The following ADAR variants were observed in gnomAD, a reference collection of about 807,000 sequenced individuals.
ADAR encodes adenosine deaminase RNA specific.
Under a neutral mutation model 113.2 loss-of-function variants are expected in ADAR, and 41 were observed. That is an observed-to-expected ratio of 0.36 (90% CI 0.28 to 0.47). ADAR has a LOEUF of 0.47. ADAR is among the 20% of genes least tolerant of loss of function. ADAR has a pLI of 1.00. For synonymous variants in ADAR, 605 were observed against 572.6 expected, an observed-to-expected ratio of 1.06 and a Z score of -0.81; for missense variants, 1,242 against 1,540.9, an observed-to-expected ratio of 0.81 and a Z score of 3.25.
In ADAR at chr1:154,598,446, A is replaced by G. The variant is rs142884797; in HGVS notation, c.1741T>C (p.Ser581Pro). The change falls in exon 3 of 15, where the codon TCA becomes CCA. Residue 581 changes from serine (S) to proline (P), a missense_variant. Around this residue, in one of 2 missense-constraint regions of ADAR, gnomAD observed 780 missense variants for 1,057.9 expected, o/e 0.74. Coordinates refer to ENST00000368474, the MANE Select transcript of ADAR (RefSeq NM_001111.5). ...GTGGAATAGTGGGATGATTCTTCTGATTTTCCACTGTCCTTGGCTTTGGCT... is the reference window on the plus strand; with the variant it reads ...GTGGAATAGTGGGATGATTCTTCTGGTTTTCCACTGTCCTTGGCTTTGGCT... ...EEAKAKDSGK[S>P]EESSHYSTEK... 86 of 1,613,848 alleles carry G rather than the reference A, an allele frequency of 5.3e-5. No individual in the cohort carries two copies. Among genetic ancestry groups the G allele is most frequent in the Non-Finnish European group, 6.8e-5 (80 of 1,179,992 alleles).
chr1:154,587,975 A>G, intron 11 of ADAR, 150 bp downstream of exon 11: 2 of 1,240,880 alleles, frequency 1.6e-6, no homozygotes, highest in Non-Finnish European at 2.3e-6. Flanking sequence ...CTTACCACAC[A>G]GCTCCCTGAC....
upstream of ADAR, among the ~76,000 whole-genome samples, chr1:154,613,168 A>G (rs115880387): frequency 5.6e-3 from 845 of 152,028 alleles, 3 homozygotes; most frequent in Non-Finnish European, 9.0e-3. Flanking sequence ...ACTTGCTTTG[A>G]TAACCTGTAA....
rs773593096 is a variant in ADAR at position 154,596,763 on chromosome 1, C to T, written c.2270+42G>A. 11 of 1,609,360 alleles carry T rather than the reference C, an allele frequency of 6.8e-6. No individual in the cohort carries two copies. In the Admixed American group the frequency reaches 1.8e-4, roughly 27 times the overall value. On this transcript the variant is annotated intron_variant, in intron 6 of 14. Transcript: ENST00000368474. ...GTTTTCCCTGGGTTACAGACCATCC[C>T]CAACTGGTGACACATGCATTAGCCA...
intron 1 of ADAR, among the ~76,000 whole-genome samples, chr1:154,622,184 G>A (rs902678411): frequency 3.3e-5 from 5 of 152,096 alleles, no homozygotes; most frequent in Non-Finnish European, 7.4e-5. Context: ...CACATATCCT[G>A]CGGCAGAGCG....
intron 4 of ADAR, 75 bp from the exon 5 acceptor site, chr1:154,597,342 G>T (rs1459712191): frequency 1.3e-6 from 2 of 1,546,938 alleles, no homozygotes; most frequent in African/African-American, 2.7e-5. Flanking sequence ...CTGCCAGGCT[G>T]CCATCCTCCA....
At chr1:154,606,054 G>T (rs891589922) in intron 1 of ADAR, 22 of 612,362 alleles carry the variant, frequency 3.6e-5, no homozygotes, top group Non-Finnish European at 4.3e-5. Flanking sequence ...TGCCAAGCTG[G>T]AGTGCAGTGG....
upstream of ADAR, chr1:154,608,834 G>GGT (rs1553215847): frequency 7.1e-6 from 1 of 141,304 alleles, no homozygotes; most frequent in African/African-American, 2.6e-5. Flanking sequence ...GTGGAGGGGG[G>GGT]GGGGAGGGGA....
chr1:154,590,633 T>TA (rs1453865749), intron 6 of ADAR, among the ~76,000 whole-genome samples: 2 of 152,082 alleles, frequency 1.3e-5, no homozygotes, highest in African/African-American at 4.8e-5. Flanking sequence ...TATTTTTCTC[T>TA]AAATTGACTT....
rs765325344 is a variant in ADAR at position 154,627,892 on chromosome 1, G to T, written c.-908C>A. 17 of 518,282 alleles carry T rather than the reference G, an allele frequency of 3.3e-5. No homozygotes were observed. The highest frequency in any genetic ancestry group is 6.2e-5 in the Non-Finnish European group (16 of 259,850). 32.1% of individuals were successfully genotyped at this position (518,282 alleles called of 1,614,324 possible). A position where few individuals can be genotyped will look rare whatever the true frequency, so the allele number is the denominator to read the frequency against. On this transcript the variant is annotated 5_prime_UTR_variant, in exon 1 of 15. Transcript: ENST00000368471. ...TTCCTCGGGACACGGCCGGACACCCGGAGACTGCCAGTGCGGCCGCGACCC... is the reference window on the plus strand; with the variant it reads ...TTCCTCGGGACACGGCCGGACACCCTGAGACTGCCAGTGCGGCCGCGACCC...
intron 2 of ADAR, among the ~76,000 whole-genome samples, chr1:154,599,940 C>A (rs116537321): frequency 6.6e-6 from 1 of 152,208 alleles, no homozygotes; most frequent in Non-Finnish European, 1.5e-5. Context: ...CCTTTCCCCC[C>A]AGGAGCTATG....
In ADAR at chr1:154,597,874, A is replaced by G. The variant is rs1200243279; in HGVS notation, c.1888T>C (p.Cys630Arg). ...TCTTTGGACAGGAGACGGAATTCGC[A>G]GGAGTTCCCCAATTTGTGCATACAC... ...LECMHKLGNS[C>R]EFRLLSKEGP... is the part of the protein sequence containing the mutation. Residue 630 changes from cysteine (C) to arginine (R), a missense_variant, in exon 4 of 15, where the codon TGC becomes CGC. Physicochemically the swap from Cys to Arg is radical, Grantham distance 180. Coordinates refer to ENST00000368474, the MANE Select transcript of ADAR (RefSeq NM_001111.5). 4 of 1,614,064 alleles carry G rather than the reference A, an allele frequency of 2.5e-6. No individual in the cohort carries two copies. The highest frequency in any genetic ancestry group is 1.1e-5 in the South Asian group (1 of 91,084).
exon 1 of ADAR, chr1:154,627,939 CGTA>C: frequency 1.9e-6 from 1 of 513,440 alleles, no homozygotes; most frequent in Non-Finnish European, 3.9e-6. Flanking sequence ...TCCCCCACCA[CGTA>C]GCCTTCTCTA....
intron 3 of ADAR, 139 bp downstream of exon 3, chr1:154,598,263 G>T: frequency 1.0e-6 from 1 of 962,882 alleles, no homozygotes; most frequent in Non-Finnish European, 1.6e-6. Flanking sequence ...GTGGGCTGGC[G>T]AGATAGGGTA....
At chr1:154,592,609 A>C (rs576404001) in intron 6 of ADAR, among the ~76,000 whole-genome samples, 1 of 152,212 alleles carries the variant, frequency 6.6e-6, no homozygotes, top group East Asian at 1.9e-4. Flanking sequence ...TTGACGAAGG[A>C]GGTAAAGGAG....
chr1:154,588,113 T>G lies in ADAR; in HGVS notation c.3019+12A>C. 1 of 1,613,322 alleles carries G rather than the reference T, an allele frequency of 6.2e-7. No individual in the cohort carries two copies. Among genetic ancestry groups the G allele is most frequent in the Non-Finnish European group, 8.5e-7 (1 of 1,179,880 alleles). ...CTTTTGAGGAAAGGAGGCGGGGGCA[T>G]GTATCACTCACCGTTCTCCACCTTG... On this transcript the variant is annotated intron_variant, in intron 11 of 14. Coordinates refer to ENST00000368474, the MANE Select transcript of ADAR (RefSeq NM_001111.5).
At position 154,597,974 on chromosome 1, in the gene ADAR, A is replaced by G. The variant is rs1557881113; in HGVS notation, c.1788T>C (p.Thr596=). ...HYSTEKESEK[T]AESQTPTPSA... ...AAGGGGTGGGGGTCTGGGACTCTGC[A>G]GTCTAGAGAAAATGAGAGACAAGAA... Residue 596 remains threonine (T), a splice_region_variant and synonymous_variant, in exon 4 of 15, where the codon ACT becomes ACC. Transcript: ENST00000368474. 6.2e-7 allele frequency: 1 copy of G among 1,613,758 alleles called. No homozygotes were observed. The highest frequency in any genetic ancestry group is 1.1e-5 in the South Asian group (1 of 91,016).
chr1:154,589,317 A>ACTGGAG, intron 9 of ADAR, 52 bp downstream of exon 9: 1 of 1,426,988 alleles, frequency 7.0e-7, no homozygotes, highest in South Asian at 1.1e-5. Context: ...GGGGCAGGGA[A>ACTGGAG]CTGGAGCTCT....
intron 1 of ADAR, among the ~76,000 whole-genome samples, 193 bp from the exon 2 acceptor site, chr1:154,602,819 A>G (rs1443538890): frequency 2.6e-5 from 4 of 152,218 alleles, no homozygotes; most frequent in Non-Finnish European, 5.9e-5. Context: ...ACAGGAACAC[A>G]GAGAGGGGAG....
At chr1:154,627,895 G>T (rs1267346999) in exon 1 of ADAR, 1 of 518,444 alleles carries the variant, frequency 1.9e-6, no homozygotes, top group Admixed American at 1.9e-5. Context: ...GACACCCGGA[G>T]ACTGCCAGTG....
Sources: gnomAD v4.1 joint callset for allele counts (sites outside exome capture counted in the v4.1 genomes callset) on GRCh38, gnomAD v4.1.1 for gene constraint, gnomAD v4.1.1 regional missense constraint, MANE v1.5 for transcripts, NCBI Gene and HGNC (gene_info 2026-07-23, HGNC 2026-07-21) for gene names.